Variants in AHSG observed in about 807,000 individuals in gnomAD.
AHSG encodes alpha 2-HS glycoprotein.
Under a neutral mutation model 30.1 loss-of-function variants are expected in AHSG, and 23 were observed. The observed-to-expected ratio is 0.76, with a 90% confidence interval of 0.55 to 1.08. The LOEUF (loss-of-function observed/expected upper bound fraction) is 1.08, where lower values mean the gene tolerates loss of function less well. Among genes scored for constraint, AHSG ranks in the 50% least tolerant of loss-of-function variants. The pLI is 0.00. For missense variants in AHSG, 469 were observed against 459.5 expected (o/e 1.02, Z -0.19); for synonymous variants, 164 against 186.3 (o/e 0.88, Z 0.98).
Position 186,620,751 on chromosome 3 carries a change from T to G in AHSG, c.925T>G (p.Leu309Val). 1.2e-6 allele frequency: 2 copies of G among 1,614,136 alleles called. No individual in the cohort carries two copies. The highest frequency in any genetic ancestry group is 2.2e-5 in the South Asian group (2 of 91,070). ...VLLAAPPGHQ[L>V]HRAHYDLRHT... ...ACTGGCAGCTCCTCCAGGACACCAGTTGCACCGGGCGCACTACGACCTGCG... is the reference window on the plus strand; with the variant it reads ...ACTGGCAGCTCCTCCAGGACACCAGGTGCACCGGGCGCACTACGACCTGCG... The change falls in exon 7 of 7, where the codon TTG (leucine) becomes GTG (valine). Residue 309 changes from leucine (L) to valine (V), a missense_variant. Coordinates refer to ENST00000411641, the MANE Select transcript of AHSG (RefSeq NM_001622.4).
At position 186,617,294 on chromosome 3, in the gene AHSG, G is replaced by A. The variant is rs750710767; in HGVS notation, c.517G>A (p.Ala173Thr). 6.2e-7 allele frequency: 1 copy of A among 1,614,204 alleles called. No individual in the cohort carries two copies. Among genetic ancestry groups the A allele is most frequent in the Admixed American group, 1.7e-5 (1 of 60,026 alleles). Residue 173 changes from alanine (A) to threonine (T), a missense_variant, in exon 4 of 7, where the codon GCT becomes ACT. Transcript: ENST00000411641. ...GAAAGCTGCCCTGGCCGCCTTCAAC[G>A]CTCAGAACAACGGCTCCAATTTTCA... is the stretch of plus-strand genomic sequence containing the variant. ...AAKAALAAFN[A>T]QNNGSNFQLE...
At position 186,615,804 on chromosome 3, in the gene AHSG, C is replaced by T. The variant is rs749615680; in HGVS notation, c.324+9C>T. Reference sequence around the variant, plus strand: ...GGCAGCTGAAGGAGCATGTGAGTACCCTTCTTAGGATGACTGTAGGTGGCC... The same window carrying T: ...GGCAGCTGAAGGAGCATGTGAGTACTCTTCTTAGGATGACTGTAGGTGGCC... On this transcript the variant is annotated intron_variant, in intron 2 of 6. Coordinates refer to ENST00000411641, the MANE Select transcript of AHSG (RefSeq NM_001622.4). 2.5e-6 allele frequency: 4 copies of T among 1,612,034 alleles called. No homozygotes were observed. Among genetic ancestry groups the T allele is most frequent in the Middle Eastern group, 3.3e-4 (2 of 6,082 alleles).
intron 4 of AHSG, chr3:186,617,552 C>A: frequency 1.0e-6 from 1 of 965,052 alleles, no homozygotes; most frequent in Non-Finnish European, 1.6e-6. Context: ...ACACCCTCAG[C>A]GCCTCCCCCA....
intron 2 of AHSG, among the ~76,000 whole-genome samples, 171 bp downstream of exon 2, chr3:186,615,966 C>T (rs1716291350): frequency 6.6e-6 from 1 of 152,162 alleles, no homozygotes; most frequent in African/African-American, 2.4e-5. Context: ...GAGGCTGAGG[C>T]AAGTGGATCG....
chr3:186,616,356 G>A, intron 2 of AHSG, 87 bp from the exon 3 acceptor site: 1 of 992,370 alleles, frequency 1.0e-6, no homozygotes, highest in Non-Finnish European at 1.5e-6. Context: ...TTTTGCAAGG[G>A]TCACCTTTGA....
At chr3:186,616,218 C>A (rs544739842) in intron 2 of AHSG, among the ~76,000 whole-genome samples, 163 of 152,266 alleles carry the variant, frequency 1.1e-3, no homozygotes, top group African/African-American at 3.4e-3. Context: ...TAATAATAAT[C>A]ATCATCATAA....
At chr3:186,618,391 A>C (rs532314765) in intron 4 of AHSG, 145 bp from the exon 5 acceptor site, 1 of 1,344,868 alleles carries the variant, frequency 7.4e-7, no homozygotes, top group African/African-American at 1.5e-5. Flanking sequence ...TGCCCTATGT[A>C]AGCCATTGAG....
At position 186,615,774 on chromosome 3, in the gene AHSG, C is replaced by T. The variant is rs141353291; in HGVS notation, c.303C>T (p.Ser101=). 1.7e-5 allele frequency: 27 copies of T among 1,614,082 alleles called. No individual in the cohort carries two copies. The Admixed American group carries it at 3.5e-4, about 21-fold the overall frequency. ...ACCCCACCCCTGTGGCAAGATGCAG[C>T]GTGAGGCAGCTGAAGGAGCATGTGA... The part of the protein sequence containing the change: ...VLDPTPVARC[S]VRQLKEHAVE... Residue 101 remains serine, a synonymous_variant, in exon 2 of 7, where the codon AGC becomes AGT. Coordinates refer to ENST00000411641, the MANE Select transcript of AHSG (RefSeq NM_001622.4).
Position 186,616,537 on chromosome 3 carries a change from A to C in AHSG, c.409+10A>C. ...TGTGATTCCAGTCCAGGTACAGATG[A>C]CTATTCTTATTCTCATTTTTTCCTT... is the stretch of plus-strand genomic sequence containing the variant. On this transcript the variant is annotated intron_variant, in intron 3 of 6. Transcript: ENST00000411641. 1 of 1,597,560 alleles carries C rather than the reference A, an allele frequency of 6.3e-7. No individual in the cohort carries two copies. The highest frequency in any genetic ancestry group is 8.6e-7 in the Non-Finnish European group (1 of 1,169,538).
At chr3:186,617,747 G>C (rs1363817551) in intron 4 of AHSG, 2 of 321,152 alleles carry the variant, frequency 6.2e-6, no homozygotes, top group African/African-American at 4.3e-5. Flanking sequence ...CCACAGACTC[G>C]TAATTAATAC....
At chr3:186,616,255 C>A (rs1162521144) in intron 2 of AHSG, among the ~76,000 whole-genome samples, 188 bp from the exon 3 acceptor site, 1 of 152,158 alleles carries the variant, frequency 6.6e-6, no homozygotes, top group Non-Finnish European at 1.5e-5. Context: ...ATGCCACTTG[C>A]CCTGGGGCTG....
chr3:186,615,640 A>AT, intron 1 of AHSG, 45 bp from the exon 2 acceptor site: 1 of 1,530,208 alleles, frequency 6.5e-7, no homozygotes, highest in South Asian at 1.1e-5. Flanking sequence ...GCACCACAGG[A>AT]TCAGGGGAAT....
At chr3:186,613,455 G>A in intron 1 of AHSG, 101 bp downstream of exon 1, 1 of 1,116,784 alleles carries the variant, frequency 9.0e-7, no homozygotes, top group Non-Finnish European at 1.3e-6. Context: ...AAACCACAGA[G>A]GAGTAAATTC....
At chr3:186,619,146 A>C (rs1560251716) in intron 5 of AHSG, among the ~76,000 whole-genome samples, 2 of 152,048 alleles carry the variant, frequency 1.3e-5, no homozygotes, top group Non-Finnish European at 2.9e-5. Flanking sequence ...AATACAAAAA[A>C]ATTAGCCAGG....
In AHSG at chr3:186,619,876, C is replaced by G. The variant is rs780254597; in HGVS notation, c.695C>G (p.Ala232Gly). 18 of 1,613,016 alleles carry G rather than the reference C, an allele frequency of 1.1e-5. No individual in the cohort carries two copies. In the Admixed American group the frequency reaches 2.0e-4, roughly 18 times the overall value. ...LAEKQYGFCK[A>G]TLSEKLGGAE... ...GGGCAGCAATATGGCTTTTGTAAGG[C>G]AACACTCAGTGAGAAGCTTGGTGGG... Residue 232 changes from alanine (A) to glycine (G), a missense_variant, in exon 6 of 7, where the codon GCA becomes GGA. Physicochemically the swap from Ala to Gly is moderately conservative, Grantham distance 60. Transcript: ENST00000411641.
In AHSG at chr3:186,618,531, C is replaced by A; in HGVS notation, c.574-5C>A. The A allele has an allele frequency of 6.2e-7, 1 of 1,613,360 alleles. No homozygotes were observed. Among genetic ancestry groups the A allele is most frequent in the Non-Finnish European group, 8.5e-7 (1 of 1,179,374 alleles). ...CTCAAGAGCATTTTCATGTACTCTT[C>A]TCAGCCCCTCCCACCTTCTACCTAT... On this transcript the variant is annotated splice_region_variant and splice_polypyrimidine_tract_variant and intron_variant, in intron 4 of 6. Transcript: ENST00000411641.
intron 4 of AHSG, chr3:186,617,731 C>A (rs1344337877): frequency 5.9e-6 from 2 of 341,686 alleles, no homozygotes; most frequent in Admixed American, 8.4e-5. Context: ...CTCCGCTGAA[C>A]ATCTGCCACA....
chr3:186,614,456 G>C (rs922015256), intron 1 of AHSG, among the ~76,000 whole-genome samples: 3 of 152,188 alleles, frequency 2.0e-5, no homozygotes, highest in Non-Finnish European at 4.4e-5. Flanking sequence ...AGGAAGCCTG[G>C]ACCGACTGAC....
At chr3:186,616,754 G>A (rs1458271143) in intron 3 of AHSG, among the ~76,000 whole-genome samples, 2 of 152,176 alleles carry the variant, frequency 1.3e-5, no homozygotes, top group African/African-American at 4.8e-5. Flanking sequence ...TGGATCACCT[G>A]AAGTCAGAAG....
Sources: gnomAD v4.1 joint callset for allele counts (sites outside exome capture counted in the v4.1 genomes callset) on GRCh38, gnomAD v4.1.1 for gene constraint, MANE v1.5 for transcripts, NCBI Gene and HGNC (gene_info 2026-07-23, HGNC 2026-07-21) for gene names.